SORCS2: variants seen among roughly 807,000 people sequenced by gnomAD.
SORCS2 encodes the protein sortilin related VPS10 domain containing receptor 2, also known as VPS10 domain-containing receptor SorCS2.
A neutral mutation model predicts 141.6 loss-of-function variants in SORCS2; 100 were observed. That is an observed-to-expected ratio of 0.71 (90% confidence interval 0.60 to 0.83). The LOEUF is 0.83. Ranked by LOEUF, SORCS2 falls within the 40% of genes least tolerant of loss-of-function variation. SORCS2 has a pLI of 0.00. For missense variants in SORCS2, 1,646 were observed against 1,560.2 expected (o/e 1.05, Z -0.93); for synonymous variants, 789 against 676.9 (o/e 1.17, Z -2.57).
intron 1 of SORCS2, among the ~76,000 whole-genome samples, chr4:7,315,637 TCC>T (rs1238211372): frequency 1.3e-5 from 2 of 152,220 alleles, no homozygotes; most frequent in African/African-American, 4.8e-5. Flanking sequence ...AGGAGGATCC[TCC>T]CTGCCCCTCC....
chr4:7,210,012 G>A (rs12512052), intron 1 of SORCS2, among the ~76,000 whole-genome samples: 46,702 of 152,162 alleles, frequency 0.31, 7,801 homozygotes, highest in Non-Finnish European at 0.37. Flanking sequence ...GGGAGCAGAT[G>A]GTGACTTGGG....
At chr4:7,646,665 G>A (rs995989058) in intron 4 of SORCS2, among the ~76,000 whole-genome samples, 2 of 152,136 alleles carry the variant, frequency 1.3e-5, no homozygotes, top group Non-Finnish European at 2.9e-5. Flanking sequence ...CAGGCACAGA[G>A]GGAAGACCAC....
At chr4:7,454,259 T>C (rs1296672659) in intron 2 of SORCS2, among the ~76,000 whole-genome samples, 19 of 131,058 alleles carry the variant, frequency 1.4e-4, no homozygotes, top group East Asian at 7.3e-4. Context: ...GGTCAGGCTC[T>C]GTGTTGGGGT....
intron 2 of SORCS2, among the ~76,000 whole-genome samples, chr4:7,397,721 C>T (rs1724308901): frequency 6.6e-6 from 1 of 152,204 alleles, no homozygotes; most frequent in Admixed American, 6.5e-5. Context: ...GTCATTGCTG[C>T]TCTTTGAAAA....
At chr4:7,655,344 G>A (rs73794358) in intron 5 of SORCS2, among the ~76,000 whole-genome samples, 5,004 of 152,226 alleles carry the variant, frequency 0.033, 265 homozygotes, top group African/African-American at 0.11. Flanking sequence ...CTTCCTACCC[G>A]TCCCGAGGGC....
At chr4:7,420,105 C>T (rs1560269360) in intron 2 of SORCS2, among the ~76,000 whole-genome samples, 1 of 152,224 alleles carries the variant, frequency 6.6e-6, no homozygotes, top group South Asian at 2.1e-4. Context: ...CTCTGTCAGC[C>T]AGATCTCAGC....
intron 1 of SORCS2, among the ~76,000 whole-genome samples, chr4:7,306,215 C>A (rs1717818535): frequency 6.6e-6 from 1 of 152,210 alleles, no homozygotes; most frequent in Non-Finnish European, 1.5e-5. Context: ...GACACCTAAG[C>A]CCGGGCTCCC....
In SORCS2 at chr4:7,270,936, T is replaced by TGTTGGTTC. The variant is rs564223127; in HGVS notation, c.480+77811_480+77818dup. On this transcript the variant is annotated intron_variant, in intron 1 of 26. Coordinates refer to ENST00000507866, the MANE Select transcript of SORCS2 (RefSeq NM_020777.3). ...TCTCTCCAGTTCTCGCTTGTTCGTT[T>TGTTGGTTC]GTTGGTTCATCCATTCATTCATGCC... Among the ~76,000 whole-genome samples the TGTTGGTTC allele has an allele frequency of 5.9e-5, 9 of 152,360 alleles. No homozygotes were observed. In the South Asian group the frequency reaches 1.9e-3, roughly 32 times the overall value.
chr4:7,471,478 C>T (rs4495038), intron 2 of SORCS2, among the ~76,000 whole-genome samples: 27,558 of 152,266 alleles, frequency 0.18, 2,532 homozygotes, highest in Admixed American at 0.21. Context: ...TTAAATGATA[C>T]AGTGCAGGCT....
intron 2 of SORCS2, among the ~76,000 whole-genome samples, chr4:7,409,694 T>TG (rs1577514617): frequency 2.0e-5 from 3 of 152,168 alleles, no homozygotes; most frequent in Non-Finnish European, 4.4e-5. Flanking sequence ...CCAGGCAGGA[T>TG]GGGGACAGAG....
intron 3 of SORCS2, among the ~76,000 whole-genome samples, chr4:7,540,183 TCCCTGCC>T: frequency 5.8e-5 from 3 of 51,554 alleles, no homozygotes; most frequent in South Asian, 9.3e-4. Flanking sequence ...TCCCTGCCCC[TCCCTGCC>T]CCTCCCTGCC....
chr4:7,704,125 A>G, intron 13 of SORCS2, 52 bp from the exon 14 acceptor site: 1 of 1,543,062 alleles, frequency 6.5e-7, no homozygotes, highest in Non-Finnish European at 8.8e-7. Flanking sequence ...AGTCCCAGAC[A>G]CAGGGAGCTT....
intron 1 of SORCS2, among the ~76,000 whole-genome samples, chr4:7,236,312 G>A (rs1712267262): frequency 1.3e-5 from 2 of 152,188 alleles, no homozygotes; most frequent in Non-Finnish European, 2.9e-5. Flanking sequence ...AGCCACGTGG[G>A]TATCTGAGGC....
intron 8 of SORCS2, among the ~76,000 whole-genome samples, chr4:7,672,524 G>A (rs1722860471): frequency 6.6e-6 from 1 of 152,128 alleles, no homozygotes; most frequent in African/African-American, 2.4e-5. Context: ...CATTTAAAAT[G>A]CATTCACTAC....
chr4:7,614,780 C>T (rs940678080), intron 3 of SORCS2, among the ~76,000 whole-genome samples: 3 of 151,816 alleles, frequency 2.0e-5, no homozygotes, highest in Non-Finnish European at 4.4e-5. Context: ...CCATCATTCA[C>T]CCATAATCCA....
rs575246544 is a variant in SORCS2, at chr4:7,501,450, C to T, written c.549-30080C>T. ...ACTGTAGGACACGGTGCCATGAGCT[C>T]CCAGGGGGCAGGATTTACGTGTTTT... is the stretch of plus-strand genomic sequence containing the variant. On this transcript the variant is annotated intron_variant, in intron 2 of 26. Coordinates refer to ENST00000507866, the MANE Select transcript of SORCS2 (RefSeq NM_020777.3). 9.2e-5 allele frequency among the ~76,000 whole-genome samples: 14 copies of T among 152,260 alleles called. No individual in the cohort carries two copies. In the East Asian group the frequency reaches 2.5e-3, roughly 27 times the overall value.
intron 2 of SORCS2, among the ~76,000 whole-genome samples, chr4:7,501,367 A>G (rs147612081): frequency 3.2e-4 from 48 of 152,288 alleles, no homozygotes; most frequent in African/African-American, 1.0e-3. Flanking sequence ...CACATCCGTG[A>G]TGACGTTACC....
chr4:7,408,406 CT>C (rs1725110693), intron 2 of SORCS2, among the ~76,000 whole-genome samples: 1 of 151,584 alleles, frequency 6.6e-6, no homozygotes, highest in Non-Finnish European at 1.5e-5. Flanking sequence ...TCTTTTAGCA[CT>C]TTGAAAATGT....
At chr4:7,503,347 G>A (rs6840680) in intron 2 of SORCS2, among the ~76,000 whole-genome samples, 26,351 of 152,184 alleles carry the variant, frequency 0.17, 3,790 homozygotes, top group African/African-American at 0.4. Flanking sequence ...TAAAAAGTTT[G>A]TCTCCCAGAA....
Sources: allele counts gnomAD v4.1 joint callset (sites outside exome capture counted in the v4.1 genomes callset), GRCh38; gene constraint gnomAD v4.1.1; transcripts MANE v1.5; gene names NCBI Gene and HGNC (gene_info 2026-07-23, HGNC 2026-07-21).